The following GALNT16 variants were observed in gnomAD, a reference collection of about 807,000 sequenced individuals.
The protein encoded by GALNT16 is polypeptide N-acetylgalactosaminyltransferase 16, also known as UDP-GalNAc:polypeptide N-acetylgalactosaminyltransferase-like protein 1.
Under a neutral mutation model 76.1 loss-of-function variants are expected in GALNT16, and 40 were observed. The ratio of observed to expected loss-of-function variants is 0.53; its 90% CI spans 0.41 to 0.68. GALNT16 has a LOEUF of 0.68. Among genes scored for constraint, GALNT16 ranks in the 30% least tolerant of loss-of-function variants. The pLI is 0.00. For missense variants in GALNT16, 621 were observed against 731.9 expected (o/e 0.85, Z 1.75); for synonymous variants, 276 against 285.2 (o/e 0.97, Z 0.32).
chr14:69,272,812 G>A (rs146739912), intron 1 of GALNT16, among the ~76,000 whole-genome samples: 41 of 152,186 alleles, frequency 2.7e-4, no homozygotes, highest in South Asian at 6.2e-4. Context: ...TGTTACCATC[G>A]CCTACCATTC....
chr14:69,260,965 C>G (rs190176200), intron 1 of GALNT16, among the ~76,000 whole-genome samples: 300 of 152,162 alleles, frequency 2.0e-3, no homozygotes, highest in Middle Eastern at 6.8e-3. Context: ...AGGCGCTGCG[C>G]CTGGCTTCGA....
intron 1 of GALNT16, among the ~76,000 whole-genome samples, chr14:69,284,436 G>A (rs1245674908): frequency 6.6e-6 from 1 of 152,160 alleles, no homozygotes; most frequent in Non-Finnish European, 1.5e-5. Flanking sequence ...AGACGAAGGT[G>A]ACATTGGGGA....
At chr14:69,281,041 G>T (rs929032707) in intron 1 of GALNT16, among the ~76,000 whole-genome samples, 4 of 151,592 alleles carry the variant, frequency 2.6e-5, no homozygotes, top group Admixed American at 6.6e-5. Flanking sequence ...CCGAGACCAG[G>T]GCAGCAGCTG....
chr14:69,273,014 C>A (rs748567388), intron 1 of GALNT16, among the ~76,000 whole-genome samples: 2 of 152,226 alleles, frequency 1.3e-5, no homozygotes, highest in African/African-American at 2.4e-5. Context: ...AGTGAAGAAT[C>A]TGGCTACGCA....
At chr14:69,318,958 C>T (rs1326068483) in intron 1 of GALNT16, among the ~76,000 whole-genome samples, 2 of 152,232 alleles carry the variant, frequency 1.3e-5, no homozygotes, top group Non-Finnish European at 1.5e-5. Flanking sequence ...GTCCCTCTCT[C>T]CCTCCTTCCT....
chr14:69,321,117 C>T (rs896742068), intron 2 of GALNT16, among the ~76,000 whole-genome samples: 1 of 152,184 alleles, frequency 6.6e-6, no homozygotes, highest in Non-Finnish European at 1.5e-5. Context: ...GGCGCCCCAG[C>T]AAAAGTGACC....
intron 12 of GALNT16, 21 bp downstream of exon 12, chr14:69,341,785 G>A: frequency 6.3e-7 from 1 of 1,577,294 alleles, no homozygotes; most frequent in Non-Finnish European, 8.7e-7. Flanking sequence ...CCCTCATCTT[G>A]TGCATCCCCC....
downstream of GALNT16, among the ~76,000 whole-genome samples, chr14:69,360,635 AAAGAG>A (rs1030371582): frequency 2.0e-5 from 3 of 151,262 alleles, no homozygotes; most frequent in Non-Finnish European, 4.4e-5. Context: ...AAGGAGAAGA[AAAGAG>A]AAGAGAGGAG....
intron 14 of GALNT16, chr14:69,349,680 T>C: frequency 6.6e-6 from 1 of 152,256 alleles, no homozygotes; most frequent in Non-Finnish European, 1.5e-5. Context: ...CTCAGTCTCC[T>C]CACTTATAAA....
At chr14:69,372,620 C>T in the GALNT16 span, among the ~76,000 whole-genome samples, 12 of 151,902 alleles carry the variant, frequency 7.9e-5, no homozygotes, top group African/African-American at 2.7e-4. Context: ...CTCAGCCTCC[C>T]GAGTAGCTGG....
At chr14:69,344,342 A>G (rs1280374662) in intron 12 of GALNT16, among the ~76,000 whole-genome samples, 1 of 152,268 alleles carries the variant, frequency 6.6e-6, no homozygotes, top group Non-Finnish European at 1.5e-5. Flanking sequence ...TAGACATTGC[A>G]CATTCATGAC....
chr14:69,347,753 C>T, intron 13 of GALNT16, 124 bp from the exon 14 acceptor site: 2 of 993,432 alleles, frequency 2.0e-6, no homozygotes, highest in Admixed American at 1.9e-5. Flanking sequence ...TCTACCCTAG[C>T]TCCTACAATT....
the GALNT16 span, among the ~76,000 whole-genome samples, chr14:69,363,543 A>G: frequency 6.6e-6 from 1 of 152,202 alleles, no homozygotes; most frequent in African/African-American, 2.4e-5. Context: ...ACATTTGTCA[A>G]TGAGCTGAAG....
At chr14:69,273,539 A>C (rs1471045526) in intron 1 of GALNT16, among the ~76,000 whole-genome samples, 3 of 152,226 alleles carry the variant, frequency 2.0e-5, no homozygotes, top group Non-Finnish European at 4.4e-5. Flanking sequence ...ATCCTGCATT[A>C]GGTGAGGTTG....
chr14:69,360,691 A>G (rs1453600432), downstream of GALNT16, among the ~76,000 whole-genome samples: 1 of 152,230 alleles, frequency 6.6e-6, no homozygotes, highest in Non-Finnish European at 1.5e-5. Flanking sequence ...AGAAAAAAGA[A>G]AAGAAAAGAA....
intron 1 of GALNT16, among the ~76,000 whole-genome samples, chr14:69,288,714 G>C (rs1215259005): frequency 6.6e-6 from 1 of 152,160 alleles, no homozygotes; most frequent in Admixed American, 6.5e-5. Context: ...AATCAACCCA[G>C]AACTCTGTAG....
chr14:69,370,328 G>A, the GALNT16 span, among the ~76,000 whole-genome samples: 2 of 152,180 alleles, frequency 1.3e-5, no homozygotes, highest in Non-Finnish European at 2.9e-5. Context: ...GCCCTGCTTT[G>A]ATAATGCATC....
At chr14:69,323,302 T>C (rs999777645) in intron 2 of GALNT16, among the ~76,000 whole-genome samples, 4 of 152,208 alleles carry the variant, frequency 2.6e-5, no homozygotes, top group African/African-American at 9.6e-5. Flanking sequence ...TCCTGGCTCC[T>C]GGGAGCCAGA....
At chr14:69,297,882 G>A (rs967126591) in intron 1 of GALNT16, among the ~76,000 whole-genome samples, 4 of 152,114 alleles carry the variant, frequency 2.6e-5, no homozygotes, top group South Asian at 4.2e-4. Flanking sequence ...CTTGTTATGT[G>A]CCAGCATTGT....
Sources: gnomAD v4.1 joint callset for allele counts (sites outside exome capture counted in the v4.1 genomes callset) on GRCh38, gnomAD v4.1.1 for gene constraint, MANE v1.5 for transcripts, NCBI Gene and HGNC (gene_info 2026-07-23, HGNC 2026-07-21) for gene names.